Variants in UTRN observed in about 807,000 individuals in gnomAD.
UTRN encodes dystrophin-related protein 1.
In UTRN, 283 loss-of-function variants were observed where a neutral mutation model predicts 463.9. That is an observed-to-expected ratio of 0.61 (90% confidence interval 0.55 to 0.67). The LOEUF (loss-of-function observed/expected upper bound fraction) is 0.67. Ranked by LOEUF, UTRN falls within the 30% of genes least tolerant of loss-of-function variation. The pLI is 0.00. For synonymous variants in UTRN, 1,442 were observed against 1,431.5 expected, an observed-to-expected ratio of 1.01 and a Z score of -0.17; for missense variants, 3,922 against 4,084.3, an observed-to-expected ratio of 0.96 and a Z score of 1.08.
At chr6:144,299,502 A>T in intron 2 of UTRN, among the ~76,000 whole-genome samples, 1 of 151,920 alleles carries the variant, frequency 6.6e-6, no homozygotes, top group East Asian at 1.9e-4. Context: ...AAGTGAGGAA[A>T]GTGGGTCAGG....
chr6:144,580,758 A>G (rs1335132595), intron 51 of UTRN, among the ~76,000 whole-genome samples: 1 of 152,226 alleles, frequency 6.6e-6, no homozygotes, highest in African/African-American at 2.4e-5. Context: ...AAGAGAAGTC[A>G]TAAAGGATAG....
intron 50 of UTRN, among the ~76,000 whole-genome samples, chr6:144,570,058 T>G (rs1031744093): frequency 1.3e-5 from 2 of 152,136 alleles, no homozygotes; most frequent in Non-Finnish European, 2.9e-5. Context: ...ACTTGTGTTG[T>G]TTTTTACCAC....
At chr6:144,291,674 G>A in intron 1 of UTRN, 63 bp from the exon 2 acceptor site, 3 of 510,568 alleles carry the variant, frequency 5.9e-6, no homozygotes, top group East Asian at 7.1e-5. Flanking sequence ...TAGTTACTAC[G>A]AATAACTATA....
intron 53 of UTRN, among the ~76,000 whole-genome samples, chr6:144,713,707 G>A (rs1562804183): frequency 2.6e-5 from 4 of 151,752 alleles, no homozygotes; most frequent in African/African-American, 9.7e-5. Flanking sequence ...GATCACCTGA[G>A]GTCAGGAATT....
intron 51 of UTRN, among the ~76,000 whole-genome samples, chr6:144,635,530 CTTTTCTTTTTTT>C (rs1777066601): frequency 0.024 from 1,415 of 58,878 alleles, 8 homozygotes; most frequent in Middle Eastern, 0.066. Context: ...TTTTTTTTTT[CTTTTCTTTTTTT>C]TTTTTTTTTT....
At chr6:144,551,796 A>G (rs893583935) in intron 48 of UTRN, among the ~76,000 whole-genome samples, 1 of 152,132 alleles carries the variant, frequency 6.6e-6, no homozygotes, top group Non-Finnish European at 1.5e-5. Flanking sequence ...GCCTGTAATT[A>G]TGCTGTTATT....
chr6:144,542,747 C>G, intron 45 of UTRN, 48 bp from the exon 46 acceptor site: 3 of 1,568,556 alleles, frequency 1.9e-6, no homozygotes, highest in Non-Finnish European at 2.6e-6. Context: ...CTACAGTCAT[C>G]TTTATTTACG....
In UTRN at chr6:144,782,089, A is replaced by G. The variant is rs114140549; in HGVS notation, c.8800A>G (p.Met2934Val). 6 of 1,612,812 alleles carry G rather than the reference A, an allele frequency of 3.7e-6. No homozygotes were observed. In the East Asian group the frequency reaches 8.9e-5, roughly 24 times the overall value. ...DLVNVPLCVD[M>V]CLNWLLNVYD... is the part of the protein sequence containing the mutation. ...GGTCAACGTTCCACTCTGTGTTGATATGTGTCTCAATTGGTTGCTCAATGT... is the reference window on the plus strand; with the variant it reads ...GGTCAACGTTCCACTCTGTGTTGATGTGTGTCTCAATTGGTTGCTCAATGT... The change falls in exon 61 of 75, where the codon ATG becomes GTG. Residue 2934 changes from methionine to valine, a missense_variant. Transcript: ENST00000367545.
At chr6:144,502,431 C>T (rs1794287872) in intron 34 of UTRN, among the ~76,000 whole-genome samples, 1 of 151,924 alleles carries the variant, frequency 6.6e-6, no homozygotes, top group Non-Finnish European at 1.5e-5. Flanking sequence ...CCCAACAGGA[C>T]CCAGTGTGTG....
chr6:144,372,168 C>G (rs939466718), intron 2 of UTRN, among the ~76,000 whole-genome samples: 1 of 152,358 alleles, frequency 6.6e-6, no homozygotes, highest in South Asian at 2.1e-4. Context: ...TTAAGTTAAT[C>G]ATTTTTAATC....
Position 144,444,382 on chromosome 6 carries a change from G to A in UTRN, c.1614G>A (p.Gln538=). The change falls in exon 14 of 75, where the codon CAG becomes CAA. Residue 538 remains glutamine (Q), a splice_region_variant and synonymous_variant. Coordinates refer to ENST00000367545, the MANE Select transcript of UTRN (RefSeq NM_007124.3). ...NILWQELLEE[Q]CLLKAWLTEK... ...TGTGGCAGGAATTATTGGAAGAACA[G>A]GTATGAAACTGTTTTCCATAAGGGG... is the stretch of plus-strand genomic sequence containing the variant. The A allele has an allele frequency of 6.2e-7, 1 of 1,600,842 alleles. No individual in the cohort carries two copies. Among genetic ancestry groups the A allele is most frequent in the Non-Finnish European group, 8.5e-7 (1 of 1,172,954 alleles).
In UTRN at chr6:144,554,033, T is replaced by A. The variant is rs145020317; in HGVS notation, c.6929-655T>A. On this transcript the variant is annotated intron_variant, in intron 48 of 74. Coordinates refer to ENST00000367545, the MANE Select transcript of UTRN (RefSeq NM_007124.3). ...AATAGAAAGAGAGAGAAGGTGATAA[T>A]GAGTGAAAGGAATGAACAATAATAA... Among the ~76,000 whole-genome samples the A allele has an allele frequency of 1.4e-4, 21 of 151,398 alleles. No homozygotes were observed. In the East Asian group the frequency reaches 4.1e-3, roughly 29 times the overall value.
At chr6:144,376,332 G>A (rs1780459249) in intron 2 of UTRN, among the ~76,000 whole-genome samples, 2 of 151,924 alleles carry the variant, frequency 1.3e-5, no homozygotes, top group Non-Finnish European at 2.9e-5. Context: ...GCGTGTGCCT[G>A]TAATCCCAGC....
chr6:144,661,438 G>A (rs1008669427), intron 51 of UTRN, among the ~76,000 whole-genome samples: 7 of 152,164 alleles, frequency 4.6e-5, no homozygotes, highest in Non-Finnish European at 1.0e-4. Flanking sequence ...CTACTGTAAT[G>A]TAAGGATTAG....
chr6:144,473,816 C>G lies in UTRN; in HGVS notation c.3163C>G (p.Gln1055Glu). 1 of 1,613,268 alleles carries G rather than the reference C, an allele frequency of 6.2e-7. No individual in the cohort carries two copies. Among genetic ancestry groups the G allele is most frequent in the Non-Finnish European group, 8.5e-7 (1 of 1,179,308 alleles). The change falls in exon 24 of 75, where the codon CAG becomes GAG. Residue 1055 changes from glutamine (Q) to glutamate (E), a missense_variant. Gln to Glu is a conservative substitution (Grantham distance 29). Transcript: ENST00000367545. ...AQGDDAGLQR[Q>E]LDQCSAFVNE... is the part of the protein sequence containing the mutation. ...AGGAGACGACGCAGGTCTACAGAGG[C>G]AGTTAGACCAGTGCTCTGTGAGTTC...
At chr6:144,342,256 A>G (rs1320000506) in intron 2 of UTRN, among the ~76,000 whole-genome samples, 1 of 152,070 alleles carries the variant, frequency 6.6e-6, no homozygotes, top group Non-Finnish European at 1.5e-5. Context: ...AAAGGATGCA[A>G]CTTTGGAAAG....
At chr6:144,508,084 C>T (rs1302732556) in intron 34 of UTRN, among the ~76,000 whole-genome samples, 5 of 152,160 alleles carry the variant, frequency 3.3e-5, no homozygotes, top group Admixed American at 2.0e-4. Context: ...GGATGCCCCT[C>T]TCACCACCAA....
chr6:144,363,937 G>T (rs1325188105), intron 2 of UTRN, among the ~76,000 whole-genome samples: 1 of 152,188 alleles, frequency 6.6e-6, no homozygotes, highest in African/African-American at 2.4e-5. Context: ...AAAGGCAGTG[G>T]GTGATGTTCG....
intron 2 of UTRN, chr6:144,398,129 C>A: frequency 4.0e-6 from 1 of 246,996 alleles, no homozygotes; most frequent in South Asian, 6.7e-5. Flanking sequence ...TTGCCTGTGT[C>A]ATCACCACGT....
Sources: allele counts gnomAD v4.1 joint callset (sites outside exome capture counted in the v4.1 genomes callset), GRCh38; gene constraint gnomAD v4.1.1; transcripts MANE v1.5; gene names NCBI Gene and HGNC (gene_info 2026-07-23, HGNC 2026-07-21).